Variants in PHIP observed in about 807,000 individuals in gnomAD.
The protein encoded by PHIP is PHIP subunit of CUL4-Ring ligase complex, also known as PH-interacting protein.
PHIP carries 54 observed loss-of-function variants against 236.8 expected under a neutral mutation model. The observed-to-expected ratio is 0.23, with a 90% CI of 0.18 to 0.29. The LOEUF (loss-of-function observed/expected upper bound fraction) is 0.29. Ranked by LOEUF, PHIP falls within the 10% of genes least tolerant of loss-of-function variation. The probability of loss-of-function intolerance (pLI) is 1.00; values close to 1 mark genes in which losing one functional copy is unlikely to be tolerated. For missense variants in PHIP, 1,370 were observed against 2,190.8 expected (o/e 0.63, Z 7.48); for synonymous variants, 756 against 718.9 (o/e 1.05, Z -0.83).
rs1358432034 is a variant in PHIP at position 79,043,705 on chromosome 6, ATCTAAATTACTACTGTACTTATTTTC to A, written c.440-728_440-703del. 9.1e-3 allele frequency among the ~76,000 whole-genome samples: 1,382 copies of A among 152,180 alleles called. 25 individuals carry two copies. The highest frequency in any genetic ancestry group is 0.032 in the African/African-American group (1,324 of 41,548). ...ACTCCAGCTGAAAATGTCCTCTTCC[ATCTAAATTACTACTGTACTTATTTTC>A]TATACTGGTAACTTATGGACAAAGA... On this transcript the variant is annotated intron_variant, in intron 6 of 39. Transcript: ENST00000275034.
intron 13 of PHIP, 121 bp from the exon 14 acceptor site, chr6:79,015,904 T>A: frequency 1.6e-6 from 1 of 630,448 alleles, no homozygotes; most frequent in Non-Finnish European, 2.6e-6. Flanking sequence ...TAACAGTAAC[T>A]GAGAAGTTTG....
intron 1 of PHIP, 57 bp downstream of exon 1, chr6:79,077,971 CG>C: frequency 6.4e-7 from 1 of 1,569,592 alleles, no homozygotes; most frequent in Non-Finnish European, 8.7e-7. Flanking sequence ...CGGCGGGGGG[CG>C]GGGGACCGCG....
chr6:79,030,988 G>A (rs1053360430), intron 7 of PHIP, among the ~76,000 whole-genome samples: 3 of 151,992 alleles, frequency 2.0e-5, no homozygotes, highest in Non-Finnish European at 2.9e-5. Flanking sequence ...CTGTCGCCCA[G>A]GCTGGAGTAT....
At chr6:79,043,494 A>C (rs1452816567) in intron 6 of PHIP, among the ~76,000 whole-genome samples, 3 of 152,146 alleles carry the variant, frequency 2.0e-5, no homozygotes, top group Non-Finnish European at 4.4e-5. Flanking sequence ...GTGAAGATAA[A>C]GGAATACGTC....
At chr6:78,972,712 C>T (rs1050043679) in intron 24 of PHIP, among the ~76,000 whole-genome samples, 1 of 151,900 alleles carries the variant, frequency 6.6e-6, no homozygotes, top group Non-Finnish European at 1.5e-5. Flanking sequence ...AACCAAGGCT[C>T]GAGAACTATG....
chr6:79,009,573 C>A (rs962717954), intron 15 of PHIP, among the ~76,000 whole-genome samples: 3 of 152,034 alleles, frequency 2.0e-5, no homozygotes, highest in Non-Finnish European at 4.4e-5. Context: ...TGTAGGCTGA[C>A]TAAAAAGACC....
rs36155238 is a variant in PHIP, at chr6:78,940,548, GTTTT to G, written c.*141_*144del. 2.8e-4 allele frequency: 23 copies of G among 82,710 alleles called. No individual in the cohort carries two copies. The highest frequency in any genetic ancestry group is 9.2e-4 in the South Asian group (2 of 2,184). 5.1% of individuals were successfully genotyped at this position (82,710 alleles called of 1,614,324 possible). A position where few individuals can be genotyped will look rare whatever the true frequency, so the allele number is the denominator to read the frequency against. On this transcript the variant is annotated 3_prime_UTR_variant, in exon 40 of 40. Coordinates refer to ENST00000275034, the MANE Select transcript of PHIP (RefSeq NM_017934.7). ...AAGAAGTGAAGTGTCTCGTAAGTTTGTTTTTTTTTTTTTTTTTTTTTTTGCAAAT... is the reference window on the plus strand; with the variant it reads ...AAGAAGTGAAGTGTCTCGTAAGTTTGTTTTTTTTTTTTTTTTTTTGCAAAT...
intron 23 of PHIP, among the ~76,000 whole-genome samples, chr6:78,981,366 A>C (rs891625920): frequency 6.6e-6 from 1 of 151,998 alleles, no homozygotes; most frequent in Non-Finnish European, 1.5e-5. Flanking sequence ...AAGTCCATCT[A>C]CTGTTACATC....
intron 7 of PHIP, among the ~76,000 whole-genome samples, chr6:79,041,981 C>A (rs558444740): frequency 3.3e-5 from 5 of 151,972 alleles, no homozygotes; most frequent in Admixed American, 3.3e-4. Context: ...GTCATAACTA[C>A]GTAAAATTCA....
intron 9 of PHIP, 144 bp downstream of exon 9, chr6:79,025,375 G>C (rs1487380847): frequency 3.5e-6 from 2 of 566,994 alleles, no homozygotes; most frequent in African/African-American, 1.9e-5. Context: ...AATAAAACAG[G>C]TTAGTAAAGA....
chr6:79,000,017 C>G (rs1184619695), intron 17 of PHIP, among the ~76,000 whole-genome samples: 1 of 151,928 alleles, frequency 6.6e-6, no homozygotes, highest in Non-Finnish European at 1.5e-5. Context: ...GGTGCCAATA[C>G]AACAAGCTAA....
At chr6:79,031,126 T>C (rs1771655523) in intron 7 of PHIP, among the ~76,000 whole-genome samples, 2 of 152,156 alleles carry the variant, frequency 1.3e-5, no homozygotes, top group African/African-American at 2.4e-5. Flanking sequence ...ATATTTTTAG[T>C]AGAGGCAGGG....
At chr6:78,977,107 C>G (rs1369407200) in intron 24 of PHIP, among the ~76,000 whole-genome samples, 2 of 143,498 alleles carry the variant, frequency 1.4e-5, no homozygotes, top group Admixed American at 7.1e-5. Flanking sequence ...TTCACAATAG[C>G]AAAGACTTGG....
chr6:78,982,775 T>C (rs1053731512), intron 23 of PHIP, 111 bp downstream of exon 23: 2 of 649,746 alleles, frequency 3.1e-6, no homozygotes, highest in East Asian at 2.7e-5. Flanking sequence ...GTTTTTTCTA[T>C]TATTATTTGC....
intron 29 of PHIP, 62 bp from the exon 30 acceptor site, chr6:78,963,314 T>C (rs1287069944): frequency 5.1e-5 from 68 of 1,340,372 alleles, no homozygotes; most frequent in Non-Finnish European, 6.7e-5. Context: ...AGGTTAGCTT[T>C]AGAATGTAAA....
At chr6:79,005,729 A>G (rs577614731) in intron 15 of PHIP, among the ~76,000 whole-genome samples, 6 of 152,066 alleles carry the variant, frequency 3.9e-5, no homozygotes, top group Non-Finnish European at 8.8e-5. Context: ...AAGTAGTCCA[A>G]TTTAGCAATT....
intron 9 of PHIP, among the ~76,000 whole-genome samples, chr6:79,019,620 T>G (rs1021801946): frequency 9.2e-5 from 14 of 152,092 alleles, no homozygotes; most frequent in Non-Finnish European, 1.8e-4. Context: ...TTTTCCCTTC[T>G]TTGACCTACT....
intron 15 of PHIP, among the ~76,000 whole-genome samples, chr6:79,011,414 C>A (rs1770567671): frequency 6.6e-6 from 1 of 151,646 alleles, no homozygotes; most frequent in South Asian, 2.1e-4. Context: ...AAAAGAAAAA[C>A]AACAACAACA....
At chr6:79,036,492 A>G (rs367819259) in intron 7 of PHIP, among the ~76,000 whole-genome samples, 17 of 152,254 alleles carry the variant, frequency 1.1e-4, no homozygotes, top group African/African-American at 4.1e-4. Context: ...ATAATTTTGA[A>G]TTTCAAACGT....
Sources: allele counts gnomAD v4.1 joint callset (sites outside exome capture counted in the v4.1 genomes callset), GRCh38; gene constraint gnomAD v4.1.1; transcripts MANE v1.5; gene names NCBI Gene and HGNC (gene_info 2026-07-23, HGNC 2026-07-21).